Variants in WDR11 observed in about 807,000 individuals in gnomAD.
WDR11 encodes WD repeat domain 11.
A neutral mutation model predicts 151.2 loss-of-function variants in WDR11; 83 were observed. That is an observed-to-expected ratio of 0.55 (90% CI 0.46 to 0.66). The LOEUF (loss-of-function observed/expected upper bound fraction) is 0.66. Among genes scored for constraint, WDR11 ranks in the 30% least tolerant of loss-of-function variants. WDR11 has a pLI of 0.00. For synonymous variants in WDR11, 484 were observed against 533.1 expected, an observed-to-expected ratio of 0.91 and a Z score of 1.27; for missense variants, 1,301 against 1,480.9, an observed-to-expected ratio of 0.88 and a Z score of 1.99.
chr10:120,859,307 G>T (rs1455531835), intron 3 of WDR11, among the ~76,000 whole-genome samples: 1 of 132,516 alleles, frequency 7.5e-6, no homozygotes. Context: ...TCGCTCTGTT[G>T]CCCAGGCTGG....
chr10:120,902,227 G>A (rs376450473), intron 21 of WDR11, 30 bp from the exon 22 acceptor site: 18 of 1,605,116 alleles, frequency 1.1e-5, no homozygotes, highest in African/African-American at 1.3e-5. Context: ...GAAAACTTTT[G>A]TCTCACTTTT....
intron 14 of WDR11, among the ~76,000 whole-genome samples, chr10:120,884,354 G>A (rs1209467177): frequency 2.0e-5 from 3 of 152,070 alleles, no homozygotes; most frequent in Admixed American, 6.6e-5. Context: ...AATATTTGGG[G>A]ACTTAATATA....
At chr10:120,906,615 C>T in intron 27 of WDR11, 161 bp from the exon 28 acceptor site, 3 of 1,496,936 alleles carry the variant, frequency 2.0e-6, no homozygotes, top group South Asian at 2.6e-5. Flanking sequence ...GTATTCTTCC[C>T]TCCTTTTTTC....
chr10:120,905,371 C>T lies in WDR11; in HGVS notation c.3246C>T (p.Tyr1082=). The change falls in exon 26 of 29, where the codon TAC becomes TAT. Residue 1082 remains tyrosine, a synonymous_variant. Transcript: ENST00000263461. Reference sequence around the variant, plus strand: ...ATAAGGCTGCAGACGCCTGCCGCTACCTGCAGACATACGGCGAGTGGAATC... The same window carrying T: ...ATAAGGCTGCAGACGCCTGCCGCTATCTGCAGACATACGGCGAGTGGAATC... ...LIDKAADACR[Y]LQTYGEWNRA... 6.2e-7 allele frequency: 1 copy of T among 1,614,164 alleles called. No homozygotes were observed. The highest frequency in any genetic ancestry group is 1.1e-5 in the South Asian group (1 of 91,088).
At position 120,866,659 on chromosome 10, in the gene WDR11, T is replaced by C. The variant is rs751870629; in HGVS notation, c.1085T>C (p.Val362Ala). 3 of 1,614,076 alleles carry C rather than the reference T, an allele frequency of 1.9e-6. No individual in the cohort carries two copies. In the African/African-American group the frequency reaches 4.0e-5, roughly 22 times the overall value. Reference protein sequence around the residue: ...VTKTVRPFSMVCCPVNENAAA... With the variant: ...VTKTVRPFSMACCPVNENAAA... Reference sequence around the variant, plus strand: ...AAAACCGTCCGTCCCTTCAGTATGGTGTGCTGTCCTGTCAATGAGAATGCA... The same window carrying C: ...AAAACCGTCCGTCCCTTCAGTATGGCGTGCTGTCCTGTCAATGAGAATGCA... Residue 362 changes from valine (V) to alanine (A), a missense_variant, in exon 8 of 29, where the codon GTG (valine) becomes GCG (alanine). By Grantham distance (64) the Val-to-Ala change is moderately conservative. This residue lies in a region of WDR11 where 692 missense variants were observed against 762.5 expected (regional missense o/e 0.91). Coordinates refer to ENST00000263461, the MANE Select transcript of WDR11 (RefSeq NM_018117.12).
chr10:120,901,595 G>A (rs1847818566), intron 21 of WDR11, among the ~76,000 whole-genome samples: 1 of 152,166 alleles, frequency 6.6e-6, no homozygotes, highest in Admixed American at 6.5e-5. Context: ...AAAAATATGG[G>A]TCTACAAGGA....
intron 13 of WDR11, among the ~76,000 whole-genome samples, chr10:120,882,817 C>A (rs528603840): frequency 3.6e-4 from 54 of 152,022 alleles, no homozygotes; most frequent in Non-Finnish European, 5.6e-4. Context: ...TTTTCAATTT[C>A]ATTGTCTGTC....
intron 27 of WDR11, chr10:120,906,405 A>G: frequency 8.8e-6 from 11 of 1,244,594 alleles, no homozygotes; most frequent in Non-Finnish European, 1.0e-5. Context: ...TGGAAGAGGA[A>G]CAACCATCAC....
chr10:120,885,276 T>TACAC (rs1333475453), intron 14 of WDR11, among the ~76,000 whole-genome samples: 5 of 92,832 alleles, frequency 5.4e-5, no homozygotes, highest in African/African-American at 2.0e-4. Flanking sequence ...ATGAAGTATA[T>TACAC]ATATATATAT....
In WDR11 at chr10:120,889,911, C is replaced by G; in HGVS notation, c.2245C>G (p.Arg749Gly). ...GRVSRGIPTH[R>G]SWVRKIRFAP... ...TGTCTTCAGAGGAATACCCACACAC[C>G]GAAGTTGGGTGAGGAAGATTCGTTT... Residue 749 changes from arginine to glycine, a missense_variant, in exon 18 of 29, where the codon CGA becomes GGA. Physicochemically the swap from Arg to Gly is moderately radical, Grantham distance 125 (BLOSUM62 -2). Coordinates refer to ENST00000263461, the MANE Select transcript of WDR11 (RefSeq NM_018117.12). 6.2e-7 allele frequency: 1 copy of G among 1,613,500 alleles called. No homozygotes were observed. Among genetic ancestry groups the G allele is most frequent in the Non-Finnish European group, 8.5e-7 (1 of 1,179,546 alleles).
At chr10:120,891,130 T>C (rs567509366) in intron 19 of WDR11, among the ~76,000 whole-genome samples, 8 of 152,336 alleles carry the variant, frequency 5.3e-5, no homozygotes, top group Middle Eastern at 3.4e-3. Context: ...TTGACTCTTT[T>C]CTTTGGTTTG....
At position 120,908,902 on chromosome 10, in the gene WDR11, G is replaced by T; in HGVS notation, c.*189G>T. On this transcript the variant is annotated 3_prime_UTR_variant, in exon 29 of 29. Transcript: ENST00000263461. Reference sequence around the variant, plus strand: ...TGTTGAGAGTAAGTTTGTATCCTGCGTTGGTCTCAGAAAGAACGTGAATGC... The same window carrying T: ...TGTTGAGAGTAAGTTTGTATCCTGCTTTGGTCTCAGAAAGAACGTGAATGC... 7.9e-6 allele frequency: 5 copies of T among 636,380 alleles called. No individual in the cohort carries two copies. Among genetic ancestry groups the T allele is most frequent in the South Asian group, 7.4e-5 (4 of 54,076 alleles). 39.4% of individuals were successfully genotyped at this position (636,380 alleles called of 1,614,324 possible).
At chr10:120,899,994 CATTTT>C in intron 19 of WDR11, 30 bp from the exon 20 acceptor site, 1 of 1,557,908 alleles carries the variant, frequency 6.4e-7, no homozygotes, top group Non-Finnish European at 8.9e-7. Flanking sequence ...TATAAAACTT[CATTTT>C]ATTTTTAAAA....
chr10:120,871,289 A>T lies in WDR11; in HGVS notation c.1414A>T (p.Met472Leu). 1 of 1,613,928 alleles carries T rather than the reference A, an allele frequency of 6.2e-7. No homozygotes were observed. The highest frequency in any genetic ancestry group is 8.5e-7 in the Non-Finnish European group (1 of 1,179,984). ...GLPAPQFAIR[M>L]CPPLTTKNIK... ...GCCCGCACCACAGTTTGCTATTCGT[A>T]TGTGTCCACCGTTGACCACAAAAAA... The change falls in exon 10 of 29, where the codon ATG becomes TTG. Residue 472 changes from methionine (M) to leucine (L), a missense_variant. This residue lies in a region of WDR11 where 692 missense variants were observed against 762.5 expected (regional missense o/e 0.91). Coordinates refer to ENST00000263461, the MANE Select transcript of WDR11 (RefSeq NM_018117.12).
chr10:120,869,632 A>G (rs1392260742), intron 9 of WDR11, among the ~76,000 whole-genome samples: 1 of 152,160 alleles, frequency 6.6e-6, no homozygotes, highest in Non-Finnish European at 1.5e-5. Flanking sequence ...AAATGCTGAT[A>G]CTTATTAAGG....
At chr10:120,884,594 C>T (rs897863881) in intron 14 of WDR11, among the ~76,000 whole-genome samples, 13 of 147,466 alleles carry the variant, frequency 8.8e-5, no homozygotes, top group African/African-American at 3.2e-4. Context: ...ATCAGAAGCT[C>T]AAACCAAAAG....
At chr10:120,892,050 T>C (rs1358797009) in intron 19 of WDR11, among the ~76,000 whole-genome samples, 3 of 152,208 alleles carry the variant, frequency 2.0e-5, no homozygotes, top group Non-Finnish European at 4.4e-5. Flanking sequence ...AGGGTGGTTT[T>C]TGAAAAAATT....
intron 4 of WDR11, among the ~76,000 whole-genome samples, chr10:120,860,632 T>A (rs1000261118): frequency 1.3e-5 from 2 of 152,242 alleles, no homozygotes; most frequent in Non-Finnish European, 2.9e-5. Context: ...TTTCATTCAG[T>A]CTGTGGCCAA....
chr10:120,890,715 G>A lies in WDR11; in HGVS notation c.2344-1G>A. The A allele has an allele frequency of 6.2e-7, 1 of 1,614,150 alleles. No individual in the cohort carries two copies. The highest frequency in any genetic ancestry group is 1.7e-5 in the Admixed American group (1 of 60,022). ...AGTGATGCCCAAATTCACTCTTGAA[G>A]GTTCAGATGGTGAGCAGTTTAAGAA... On this transcript the variant is annotated splice_acceptor_variant, in intron 18 of 28. Transcript: ENST00000263461. LOFTEE classifies it high-confidence loss of function.
Sources: gnomAD v4.1 joint callset for allele counts (sites outside exome capture counted in the v4.1 genomes callset) on GRCh38, gnomAD v4.1.1 for gene constraint, gnomAD v4.1.1 regional missense constraint, MANE v1.5 for transcripts, NCBI Gene and HGNC (gene_info 2026-07-23, HGNC 2026-07-21) for gene names.